The following DPF3 variants were observed in gnomAD, a reference collection of about 807,000 sequenced individuals.
DPF3 encodes double PHD fingers 3, also known as zinc finger protein DPF3.
In DPF3, 18 loss-of-function variants were observed where a neutral mutation model predicts 56.8. The ratio of observed to expected loss-of-function variants is 0.32; its 90% CI spans 0.22 to 0.47. The LOEUF (loss-of-function observed/expected upper bound fraction) is 0.47. Ranked by LOEUF, DPF3 falls within the 20% of genes least tolerant of loss-of-function variation. The pLI is 1.00. For missense variants in DPF3, 403 were observed against 488.8 expected, an observed-to-expected ratio of 0.82 and a Z score of 1.65; for synonymous variants, 188 against 180.2, an observed-to-expected ratio of 1.04 and a Z score of -0.35.
chr14:72,875,516 T>C (rs1365770248), intron 1 of DPF3, among the ~76,000 whole-genome samples: 2 of 152,176 alleles, frequency 1.3e-5, no homozygotes, highest in Admixed American at 1.3e-4. Flanking sequence ...ACTTTACATA[T>C]GAGGAAACTA....
rs184896939 is a variant in DPF3, at chr14:72,633,152, C to T, written c.872-3416G>A. On this transcript the variant is annotated intron_variant, in intron 8 of 10. Transcript: ENST00000556509. Reference sequence around the variant, plus strand: ...ATGAAACTAGGTAGATTGTAGATTACAGTGAAACTTAGATGAGAAAGACTG... The same window carrying T: ...ATGAAACTAGGTAGATTGTAGATTATAGTGAAACTTAGATGAGAAAGACTG... Among the ~76,000 whole-genome samples, 3 of 152,264 alleles carry T rather than the reference C, an allele frequency of 2.0e-5. No individual in the cohort carries two copies. The East Asian group carries it at 5.8e-4, about 29-fold the overall frequency.
At chr14:72,744,331 G>A (rs1890243706) in intron 3 of DPF3, among the ~76,000 whole-genome samples, 1 of 152,050 alleles carries the variant, frequency 6.6e-6, no homozygotes, top group Non-Finnish European at 1.5e-5. Flanking sequence ...GGAGGGCAGT[G>A]GTGCAATCAT....
intron 2 of DPF3, among the ~76,000 whole-genome samples, chr14:72,756,949 G>GAAAGAAAGAAAGAAA (rs1285144605): frequency 2.1e-4 from 19 of 90,638 alleles, no homozygotes; most frequent in South Asian, 1.9e-3. Flanking sequence ...AGAAGAGAAA[G>GAAAGAAAGAAAGAAA]GGAGAGGGAA....
intron 7 of DPF3, among the ~76,000 whole-genome samples, 162 bp downstream of exon 7, chr14:72,692,914 C>A (rs1887752280): frequency 6.6e-6 from 1 of 152,200 alleles, no homozygotes; most frequent in Non-Finnish European, 1.5e-5. Context: ...GCTGCAGGGG[C>A]AGCTGGCTGG....
intron 8 of DPF3, chr14:72,661,854 C>CTTTTTTTTTTTTTTTTTTTTT: frequency 1.1e-6 from 1 of 924,436 alleles, no homozygotes; most frequent in Non-Finnish European, 1.3e-6. Context: ...TTTATTTTTG[C>CTTTTTTTTTTTTTTTTTTTTT]TTTTTTTTTT....
chr14:72,861,749 A>AAAGAAAGAAAGAT (rs1555514007), intron 1 of DPF3, among the ~76,000 whole-genome samples: 1 of 12,642 alleles, frequency 7.9e-5, no homozygotes, highest in East Asian at 8.9e-4. Context: ...GAAAGAAAGA[A>AAAGAAAGAAAGAT]AGAAAGAAAG....
intron 1 of DPF3, among the ~76,000 whole-genome samples, chr14:72,797,955 G>A (rs191545299): frequency 8.1e-4 from 124 of 152,222 alleles, no homozygotes; most frequent in Non-Finnish European, 7.2e-4. Flanking sequence ...ACTTTTTACC[G>A]TCAATGATTC....
intron 1 of DPF3, among the ~76,000 whole-genome samples, chr14:72,870,308 TC>T (rs1358938979): frequency 6.6e-6 from 1 of 152,294 alleles, no homozygotes; most frequent in Non-Finnish European, 1.5e-5. Flanking sequence ...CTAAAGGACT[TC>T]CAAGCCCTCT....
At chr14:72,717,815 G>T (rs1486412399) in intron 5 of DPF3, among the ~76,000 whole-genome samples, 1 of 152,174 alleles carries the variant, frequency 6.6e-6, no homozygotes, top group Admixed American at 6.5e-5. Flanking sequence ...AAGCTTTGAA[G>T]GTGACCAGCC....
At chr14:72,684,036 T>G (rs1480468677) in intron 7 of DPF3, among the ~76,000 whole-genome samples, 2 of 152,164 alleles carry the variant, frequency 1.3e-5, no homozygotes, top group Non-Finnish European at 1.5e-5. Flanking sequence ...TCATCTGCTT[T>G]ATATTTTACA....
intron 7 of DPF3, among the ~76,000 whole-genome samples, chr14:72,674,935 A>G (rs1042505909): frequency 2.0e-5 from 3 of 152,262 alleles, no homozygotes; most frequent in Admixed American, 6.5e-5. Context: ...TGGAGTATCA[A>G]TCTCCCTGAA....
intron 3 of DPF3, 49 bp from the exon 4 acceptor site, chr14:72,731,983 G>C (rs1327196775): frequency 6.4e-7 from 1 of 1,551,774 alleles, no homozygotes; most frequent in Non-Finnish European, 8.7e-7. Flanking sequence ...AAGCAGGCAG[G>C]GCAGGAGGGA....
intron 10 of DPF3, 136 bp from the exon 11 acceptor site, chr14:72,619,503 G>C: frequency 1.0e-6 from 1 of 973,730 alleles, no homozygotes; most frequent in Non-Finnish European, 1.5e-6. Context: ...GCCTGAAAAC[G>C]TGCCAGAGTC....
intron 1 of DPF3, among the ~76,000 whole-genome samples, chr14:72,776,278 G>A (rs747882281): frequency 2.6e-5 from 4 of 152,176 alleles, no homozygotes; most frequent in Non-Finnish European, 5.9e-5. Flanking sequence ...GGCTACTCAA[G>A]GCTGCAATCA....
intron 1 of DPF3, among the ~76,000 whole-genome samples, chr14:72,804,519 G>A (rs1893012800): frequency 6.6e-6 from 1 of 152,130 alleles, no homozygotes; most frequent in Admixed American, 6.5e-5. Context: ...ATATGAGGGT[G>A]GGATTTTTTC....
chr14:72,682,284 T>C (rs1362147345), intron 7 of DPF3, among the ~76,000 whole-genome samples: 1 of 152,002 alleles, frequency 6.6e-6, no homozygotes, highest in Non-Finnish European at 1.5e-5. Flanking sequence ...AATATCTCAT[T>C]ACGTGACACG....
In DPF3 at chr14:72,614,777, G is replaced by GAAAAAA. The variant is rs757694376; in HGVS notation, c.*4514_*4519dup. Among the ~76,000 whole-genome samples the GAAAAAA allele has an allele frequency of 1.6e-4, 15 of 96,068 alleles. No homozygotes were observed. Among genetic ancestry groups the GAAAAAA allele is most frequent in the East Asian group, 6.1e-4 (1 of 1,640 alleles). The allele number at this position is 96,068 out of a possible 152,430, so 63.0% of individuals were successfully genotyped here. A position where few individuals can be genotyped will look rare whatever the true frequency, so the allele number is the denominator to read the frequency against. ...CTGTTGCCCAGGATCACAAGCCTCA[G>GAAAAAA]AAAAAAAAAAAAGAGTTACAATCAC... On this transcript the variant is annotated 3_prime_UTR_variant, in exon 11 of 11. Coordinates refer to ENST00000556509, the MANE Select transcript of DPF3 (RefSeq NM_001280542.3).
chr14:72,772,953 A>C (rs1891596610), intron 1 of DPF3, among the ~76,000 whole-genome samples: 1 of 152,194 alleles, frequency 6.6e-6, no homozygotes, highest in Non-Finnish European at 1.5e-5. Flanking sequence ...CACAGAGTTC[A>C]CAGGGGCAAA....
intron 1 of DPF3, among the ~76,000 whole-genome samples, chr14:72,828,109 C>G (rs924453413): frequency 6.6e-6 from 1 of 152,206 alleles, no homozygotes; most frequent in African/African-American, 2.4e-5. Context: ...ATGCTACAAG[C>G]AACCTTGGAT....
Sources: allele counts gnomAD v4.1 joint callset (sites outside exome capture counted in the v4.1 genomes callset), GRCh38; gene constraint gnomAD v4.1.1; transcripts MANE v1.5; gene names NCBI Gene and HGNC (gene_info 2026-07-23, HGNC 2026-07-21).